Variants in GALNTL6 observed in about 807,000 individuals in gnomAD.
The protein encoded by GALNTL6 is polypeptide N-acetylgalactosaminyltransferase-like 6.
GALNTL6 carries 46 observed loss-of-function variants against 73.7 expected under a neutral mutation model. The observed-to-expected ratio is 0.62, with a 90% CI of 0.49 to 0.80. The LOEUF is 0.80. Ranked by LOEUF, GALNTL6 falls within the 30% of genes least tolerant of loss-of-function variation. The pLI is 0.00. For missense variants in GALNTL6, 604 were observed against 755.0 expected (o/e 0.80, Z 2.34); for synonymous variants, 259 against 263.7 (o/e 0.98, Z 0.17).
intron 9 of GALNTL6, among the ~76,000 whole-genome samples, chr4:172,940,380 T>G (rs78156110): frequency 1.3e-5 from 2 of 151,876 alleles, no homozygotes; most frequent in African/African-American, 4.8e-5. Context: ...TTTTTTTTTT[T>G]GAAATGGAGT....
chr4:172,371,079 A>G (rs1742790347), intron 5 of GALNTL6, among the ~76,000 whole-genome samples: 1 of 152,200 alleles, frequency 6.6e-6, no homozygotes. Context: ...TTCTGTAAGT[A>G]CTTTAAGATT....
intron 7 of GALNTL6, among the ~76,000 whole-genome samples, chr4:172,828,833 T>A (rs996804793): frequency 6.6e-6 from 1 of 152,302 alleles, no homozygotes; most frequent in African/African-American, 2.4e-5. Context: ...GCAAAAAAGA[T>A]GGAACCAAAA....
chr4:172,719,934 T>A (rs1290122581), intron 5 of GALNTL6, among the ~76,000 whole-genome samples: 1 of 152,204 alleles, frequency 6.6e-6, no homozygotes, highest in East Asian at 1.9e-4. Context: ...GGTAACTTCC[T>A]GACGTTGTCA....
intron 3 of GALNTL6, among the ~76,000 whole-genome samples, chr4:172,259,447 G>A (rs1738183310): frequency 6.7e-6 from 1 of 149,638 alleles, no homozygotes; most frequent in African/African-American, 2.4e-5. Context: ...TTTTTGATGG[G>A]ATTATTTGTT....
chr4:171,955,852 T>G (rs2111038820), intron 2 of GALNTL6, among the ~76,000 whole-genome samples: 1 of 152,258 alleles, frequency 6.6e-6, no homozygotes, highest in South Asian at 2.1e-4. Context: ...TACTCTTAAC[T>G]TGCTTTCCCC....
chr4:172,422,986 A>T (rs1455661638), intron 5 of GALNTL6, among the ~76,000 whole-genome samples: 6 of 151,640 alleles, frequency 4.0e-5, no homozygotes, highest in Admixed American at 3.9e-4. Flanking sequence ...GCAAATGAAG[A>T]ATACCAAAGT....
chr4:171,857,264 T>A (rs1735717393), intron 2 of GALNTL6, among the ~76,000 whole-genome samples: 1 of 151,482 alleles, frequency 6.6e-6, no homozygotes, highest in East Asian at 1.9e-4. Flanking sequence ...GTATTTTATT[T>A]AAAAAAAAAG....
At chr4:171,833,209 C>A (rs1735023457) in intron 2 of GALNTL6, among the ~76,000 whole-genome samples, 1 of 151,612 alleles carries the variant, frequency 6.6e-6, no homozygotes, top group Non-Finnish European at 1.5e-5. Flanking sequence ...AATTGCTTAT[C>A]ATAATGGACA....
intron 2 of GALNTL6, among the ~76,000 whole-genome samples, chr4:171,889,105 A>C (rs1354788105): frequency 1.3e-5 from 2 of 152,102 alleles, no homozygotes; most frequent in Non-Finnish European, 2.9e-5. Flanking sequence ...GTTAAATTTT[A>C]ATAGATGTCA....
At chr4:172,256,886 A>G (rs868539479) in intron 3 of GALNTL6, among the ~76,000 whole-genome samples, 1 of 151,314 alleles carries the variant, frequency 6.6e-6, no homozygotes, top group African/African-American at 2.4e-5. Context: ...TCACCTCTAT[A>G]TTCCCAGAGG....
chr4:172,438,009 G>A (rs971694290), intron 5 of GALNTL6, among the ~76,000 whole-genome samples: 1 of 152,010 alleles, frequency 6.6e-6, no homozygotes, highest in Non-Finnish European at 1.5e-5. Flanking sequence ...TTAATCAAAA[G>A]CCCTCATATT....
chr4:173,033,934 C>T (rs1753576642), intron 12 of GALNTL6, among the ~76,000 whole-genome samples: 3 of 152,194 alleles, frequency 2.0e-5, no homozygotes, highest in African/African-American at 7.2e-5. Flanking sequence ...CAGTCTATAT[C>T]TAACTGCTCA....
At chr4:172,876,071 G>A (rs1270129320) in intron 7 of GALNTL6, among the ~76,000 whole-genome samples, 1 of 152,132 alleles carries the variant, frequency 6.6e-6, no homozygotes, top group East Asian at 1.9e-4. Flanking sequence ...CTATAGTTTG[G>A]TTTAATGCCT....
At chr4:172,203,374 A>T (rs1160381) in intron 2 of GALNTL6, among the ~76,000 whole-genome samples, 8,606 of 152,292 alleles carry the variant, frequency 0.057, 334 homozygotes, top group Middle Eastern at 0.1. Context: ...GCGGAAACTT[A>T]AAAACTGAAG....
At chr4:172,708,269 C>T (rs893758370) in intron 5 of GALNTL6, among the ~76,000 whole-genome samples, 36 of 152,158 alleles carry the variant, frequency 2.4e-4, no homozygotes, top group Non-Finnish European at 4.4e-4. Context: ...GGCAACACTT[C>T]GTGGTCTCAA....
At chr4:172,346,693 T>C (rs1741751385) in intron 4 of GALNTL6, among the ~76,000 whole-genome samples, 1 of 152,232 alleles carries the variant, frequency 6.6e-6, no homozygotes, top group African/African-American at 2.4e-5. Context: ...TTTTGTTCAT[T>C]GTTTTATCTC....
intron 5 of GALNTL6, among the ~76,000 whole-genome samples, chr4:172,664,539 C>G (rs902084219): frequency 1.3e-5 from 2 of 152,130 alleles, no homozygotes; most frequent in African/African-American, 4.8e-5. Flanking sequence ...GGTGAGAGAG[C>G]CATTTTGTCC....
chr4:172,892,948 G>A (rs1332209743), intron 8 of GALNTL6, among the ~76,000 whole-genome samples: 1 of 152,222 alleles, frequency 6.6e-6, no homozygotes, highest in Non-Finnish European at 1.5e-5. Flanking sequence ...AACAGGTTGT[G>A]GTGTGTGTCT....
chr4:172,430,820 A>G (rs549399390), intron 5 of GALNTL6, among the ~76,000 whole-genome samples: 2 of 152,038 alleles, frequency 1.3e-5, no homozygotes, highest in African/African-American at 4.8e-5. Context: ...CCACCACCAC[A>G]ACAACAGTAG....
Sources: allele counts gnomAD v4.1 joint callset (sites outside exome capture counted in the v4.1 genomes callset), GRCh38; gene constraint gnomAD v4.1.1; transcripts MANE v1.5; gene names NCBI Gene and HGNC (gene_info 2026-07-23, HGNC 2026-07-21).